Variants in OSBPL3 observed in about 807,000 individuals in gnomAD.
The protein encoded by OSBPL3 is oxysterol-binding protein-related protein 3.
Under a neutral mutation model 120.1 loss-of-function variants are expected in OSBPL3, and 65 were observed. The ratio of observed to expected loss-of-function variants is 0.54; its 90% CI spans 0.44 to 0.67. The LOEUF (loss-of-function observed/expected upper bound fraction) is 0.67. Ranked by LOEUF, OSBPL3 falls within the 30% of genes least tolerant of loss-of-function variation. The pLI, the probability that OSBPL3 is intolerant of heterozygous loss-of-function variation, is 0.00. For missense variants in OSBPL3, 1,004 were observed against 1,082.1 expected (o/e 0.93, Z 1.01); for synonymous variants, 416 against 402.6 (o/e 1.03, Z -0.40).
At chr7:24,963,923 T>C (rs563102662) in intron 1 of OSBPL3, among the ~76,000 whole-genome samples, 207 of 152,162 alleles carry the variant, frequency 1.4e-3, no homozygotes, top group Middle Eastern at 6.8e-3. Context: ...GAGTACCTTG[T>C]AGTGCCGAAA....
At position 24,862,588 on chromosome 7, in the gene OSBPL3, A is replaced by G. The variant is rs1800722270; in HGVS notation, c.870+612T>C. On this transcript the variant is annotated intron_variant, in intron 9 of 22. Transcript: ENST00000313367. The surrounding 1 kb of genome is among the most constrained non-coding windows in gnomAD (Gnocchi z 4.4). ...CAAGTGTATCAGGTGACCTAACCAA[A>G]AGCTTGAGATTTATGTTGATTCTAA... Among the ~76,000 whole-genome samples, 1 of 152,192 alleles carries G rather than the reference A, an allele frequency of 6.6e-6. No individual in the cohort carries two copies. Among genetic ancestry groups the G allele is most frequent in the South Asian group, 2.1e-4 (1 of 4,828 alleles).
chr7:24,978,251 A>G (rs1817802651), intron 1 of OSBPL3, among the ~76,000 whole-genome samples: 1 of 152,262 alleles, frequency 6.6e-6, no homozygotes, highest in African/African-American at 2.4e-5. Context: ...AACAGTAAAA[A>G]AAGGATAAAG....
intron 1 of OSBPL3, among the ~76,000 whole-genome samples, chr7:24,961,828 A>G (rs1815777931): frequency 6.6e-6 from 1 of 152,254 alleles, no homozygotes; most frequent in African/African-American, 2.4e-5. Flanking sequence ...AGTCCATACA[A>G]TAAATGAGTA....
At chr7:24,921,558 T>C (rs1333768102) in intron 1 of OSBPL3, among the ~76,000 whole-genome samples, 1 of 152,126 alleles carries the variant, frequency 6.6e-6, no homozygotes. Flanking sequence ...AACTCCAGAA[T>C]GTAGCTCAGA....
chr7:24,834,591 C>A lies in OSBPL3; in HGVS notation c.1641G>T (p.Val547=). 1 of 1,614,224 alleles carries A rather than the reference C, an allele frequency of 6.2e-7. No homozygotes were observed. The highest frequency in any genetic ancestry group is 8.5e-7 in the Non-Finnish European group (1 of 1,180,050). Reference sequence around the variant, plus strand: ...GCGTGTTCAGGGGCTCGTTCAGCTCCACCGGCATGGCCACCTTGGACAGGT... The same window carrying A: ...GCGTGTTCAGGGGCTCGTTCAGCTCAACCGGCATGGCCACCTTGGACAGGT... The part of the protein sequence containing the change: ...GKDLSKVAMP[V]ELNEPLNTLQ... Residue 547 remains valine, a synonymous_variant, in exon 15 of 23, where the codon GTG becomes GTT. Transcript: ENST00000313367. This position sits in a 1 kb window ranked among gnomAD's most constrained non-coding sequence, Gnocchi z 5.2.
intron 1 of OSBPL3, among the ~76,000 whole-genome samples, chr7:24,924,192 T>C (rs1290719911): frequency 2.6e-5 from 4 of 152,170 alleles, no homozygotes; most frequent in Non-Finnish European, 4.4e-5. Context: ...AAAAGATTTA[T>C]GGTTAAGAGA....
rs1030100660 is a variant in OSBPL3, at chr7:24,891,015, C to T, written c.96+1362G>A. Among the ~76,000 whole-genome samples the T allele has an allele frequency of 6.6e-6, 1 of 152,156 alleles. No individual in the cohort carries two copies. The highest frequency in any genetic ancestry group is 1.5e-5 in the Non-Finnish European group (1 of 68,040). On this transcript the variant is annotated intron_variant, in intron 2 of 22. Coordinates refer to ENST00000313367, the MANE Select transcript of OSBPL3 (RefSeq NM_015550.4). This position sits in a 1 kb window ranked among gnomAD's most constrained non-coding sequence, Gnocchi z 4.1. ...CCCCCTTTATCAAAGAAGGACATAA[C>T]AACCCCTAGGTGTAAGGAAGATGGC...
intron 1 of OSBPL3, among the ~76,000 whole-genome samples, chr7:24,925,454 C>T (rs1175365309): frequency 1.3e-5 from 2 of 152,198 alleles, no homozygotes; most frequent in Non-Finnish European, 2.9e-5. Context: ...CCCATCTTTC[C>T]TTGCTGGTTC....
chr7:24,826,846 G>C (rs1444368127), intron 16 of OSBPL3, among the ~76,000 whole-genome samples: 1 of 152,200 alleles, frequency 6.6e-6, no homozygotes, highest in Non-Finnish European at 1.5e-5. Context: ...AGAGAGGCAA[G>C]CTTCGACAGA....
chr7:24,837,100 C>T (rs1270913284), intron 14 of OSBPL3, among the ~76,000 whole-genome samples: 2 of 151,708 alleles, frequency 1.3e-5, no homozygotes, highest in African/African-American at 4.8e-5. Flanking sequence ...CTCCCAAAGT[C>T]CTGGGATTAC....
At chr7:24,973,467 T>C (rs1271216761) in intron 1 of OSBPL3, among the ~76,000 whole-genome samples, 3 of 152,196 alleles carry the variant, frequency 2.0e-5, no homozygotes, top group African/African-American at 4.8e-5. Context: ...TAGAGGCAGT[T>C]ATAAACCAAG....
At chr7:24,880,709 T>C (rs1803557650) in intron 2 of OSBPL3, among the ~76,000 whole-genome samples, 1 of 152,102 alleles carries the variant, frequency 6.6e-6, no homozygotes, top group Non-Finnish European at 1.5e-5. Context: ...TGTTTGGGGC[T>C]GCGAAAAATG....
Position 24,849,449 on chromosome 7 carries a change from G to A in OSBPL3, c.1159-273C>T, listed in dbSNP as rs1798871893. On this transcript the variant is annotated intron_variant, in intron 11 of 22. Transcript: ENST00000313367. The surrounding 1 kb of genome is among the most constrained non-coding windows in gnomAD (Gnocchi z 5.4). ...GGAGGGTTGGTAAGTGCAACAGAGA[G>A]GGAAGTCACAGACACTGTCGGCTTC... The A allele has an allele frequency of 4.1e-6, 1 of 242,494 alleles. No individual in the cohort carries two copies. The highest frequency in any genetic ancestry group is 8.1e-6 in the Non-Finnish European group (1 of 123,268). 15.0% of individuals were successfully genotyped at this position (242,494 alleles called of 1,614,324 possible).
Position 24,978,286 on chromosome 7 carries a change from A to G in OSBPL3, c.-150+1600T>C, listed in dbSNP as rs537259306. On this transcript the variant is annotated intron_variant, in intron 1 of 22. Transcript: ENST00000313367. ...GATGAAAATCAAAATCAGCTATGAA[A>G]TCCTCATTCCTCATATTTACAGAGA... Among the ~76,000 whole-genome samples the G allele has an allele frequency of 6.6e-4, 100 of 152,254 alleles. 2 individuals are homozygous for G. Among genetic ancestry groups the G allele is most frequent in the Non-Finnish European group, 5.6e-4 (38 of 68,040 alleles).
intron 1 of OSBPL3, among the ~76,000 whole-genome samples, chr7:24,971,861 A>C (rs1355078811): frequency 6.6e-6 from 1 of 152,212 alleles, no homozygotes; most frequent in Non-Finnish European, 1.5e-5. Flanking sequence ...CCTTCAAAGG[A>C]AGGATGGTTT....
intron 2 of OSBPL3, among the ~76,000 whole-genome samples, chr7:24,887,982 T>C (rs553546811): frequency 1.3e-5 from 2 of 152,338 alleles, no homozygotes; most frequent in South Asian, 4.1e-4. Flanking sequence ...TGTAGCCCAA[T>C]TATTAAACAT....
chr7:24,970,694 G>T (rs996653322), intron 1 of OSBPL3, among the ~76,000 whole-genome samples: 2 of 152,210 alleles, frequency 1.3e-5, no homozygotes, highest in African/African-American at 4.8e-5. Flanking sequence ...ACATTTGCCT[G>T]CTCCCTACTT....
intron 1 of OSBPL3, among the ~76,000 whole-genome samples, chr7:24,893,330 A>C (rs144450900): frequency 6.6e-6 from 1 of 152,242 alleles, no homozygotes; most frequent in Non-Finnish European, 1.5e-5. Flanking sequence ...CTATAACATC[A>C]ATGAACCTTG....
chr7:24,828,304 AC>A (rs1363107049), intron 16 of OSBPL3, among the ~76,000 whole-genome samples: 1 of 152,006 alleles, frequency 6.6e-6, no homozygotes, highest in Admixed American at 6.5e-5. Flanking sequence ...ACTATTCTTA[AC>A]ACTTTATATT....
Sources: allele counts gnomAD v4.1 joint callset (sites outside exome capture counted in the v4.1 genomes callset), GRCh38; gene constraint gnomAD v4.1.1; non-coding constraint Gnocchi (gnomAD v3.1); transcripts MANE v1.5; gene names NCBI Gene and HGNC (gene_info 2026-07-23, HGNC 2026-07-21).